The following SYT2 variants were observed in gnomAD, a reference collection of about 807,000 sequenced individuals.
SYT2 encodes the protein synaptotagmin-2.
SYT2 carries 15 observed loss-of-function variants against 39.9 expected under a neutral mutation model. The ratio of observed to expected loss-of-function variants is 0.38; its 90% CI spans 0.25 to 0.58. The LOEUF (loss-of-function observed/expected upper bound fraction) is 0.58. SYT2 is among the 20% of genes least tolerant of loss of function. SYT2 has a pLI of 0.70. For synonymous variants in SYT2, 181 were observed against 204.5 expected, an observed-to-expected ratio of 0.89 and a Z score of 0.98; for missense variants, 389 against 530.3, an observed-to-expected ratio of 0.73 and a Z score of 2.62.
At position 202,668,284 on chromosome 1, in the gene SYT2, G is replaced by A. The variant is rs541907797; in HGVS notation, c.-18+41974C>T. 9.2e-5 allele frequency among the ~76,000 whole-genome samples: 14 copies of A among 152,328 alleles called. No homozygotes were observed. In the South Asian group the frequency reaches 2.9e-3, roughly 32 times the overall value. ...CTCAGATAAACTGGTTAAGACACATGTCTGCTTCAAGTCTTTTTTTCATTA... is the reference window on the plus strand; with the variant it reads ...CTCAGATAAACTGGTTAAGACACATATCTGCTTCAAGTCTTTTTTTCATTA... On this transcript the variant is annotated intron_variant, in intron 1 of 8. Transcript: ENST00000367268.
chr1:202,666,925 T>C (rs758715641), intron 1 of SYT2, among the ~76,000 whole-genome samples: 1 of 152,168 alleles, frequency 6.6e-6, no homozygotes, highest in East Asian at 1.9e-4. Flanking sequence ...GAGGTTGCAA[T>C]GAGACAAGAT....
intron 1 of SYT2, among the ~76,000 whole-genome samples, chr1:202,677,781 C>A (rs1653414301): frequency 6.6e-6 from 1 of 152,160 alleles, no homozygotes; most frequent in South Asian, 2.1e-4. Flanking sequence ...GAAATATGAA[C>A]AGCAAAATCA....
Position 202,622,376 on chromosome 1 carries a change from C to G in SYT2, c.-17-16587G>C, listed in dbSNP as rs532337944. Among the ~76,000 whole-genome samples the G allele has an allele frequency of 2.0e-3, 297 of 152,262 alleles. 1 individual carries two copies. The highest frequency in any genetic ancestry group is 6.4e-3 in the African/African-American group (265 of 41,544). On this transcript the variant is annotated intron_variant, in intron 1 of 8. Coordinates refer to ENST00000367268, the MANE Select transcript of SYT2 (RefSeq NM_177402.5). ...GCCTTCTTGGTCAGTGCATGCACAC[C>G]TCCACTTTGGAGCGAGGTTGTCATT...
At chr1:202,630,229 T>C in intron 1 of SYT2, 1 of 230,578 alleles carries the variant, frequency 4.3e-6, no homozygotes, top group Non-Finnish European at 7.1e-6. Context: ...AAGTTATAAC[T>C]ACATCAAAAA....
rs1026751951 is a variant in SYT2, at chr1:202,602,872, G to A, written c.465+127C>T. 11 of 1,226,994 alleles carry A rather than the reference G, an allele frequency of 9.0e-6. No homozygotes were observed. The African/African-American group carries it at 1.5e-4, about 17-fold the overall frequency. The allele number at this position is 1,226,994 out of a possible 1,614,324, so 76.0% of individuals were successfully genotyped here. ...AGAGCTATAGGCCCTGCAGTTTCCA[G>A]CCTGCCTCATTCTATGGAAAGGAGT... is the stretch of plus-strand genomic sequence containing the variant. On this transcript the variant is annotated intron_variant, in intron 4 of 8. Transcript: ENST00000367268.
chr1:202,662,654 G>C (rs1233410062), intron 1 of SYT2, among the ~76,000 whole-genome samples: 1 of 152,208 alleles, frequency 6.6e-6, no homozygotes, highest in African/African-American at 2.4e-5. Flanking sequence ...ACATGTGCCA[G>C]GCTCATTAAG....
chr1:202,657,286 C>CCA (rs1228470425), intron 1 of SYT2, among the ~76,000 whole-genome samples: 1 of 152,232 alleles, frequency 6.6e-6, no homozygotes, highest in African/African-American at 2.4e-5. Context: ...TTAGAGCAAC[C>CCA]CACCAGAAGA....
intron 1 of SYT2, among the ~76,000 whole-genome samples, chr1:202,673,055 C>T (rs373549513): frequency 3.3e-5 from 5 of 152,080 alleles, no homozygotes; most frequent in African/African-American, 1.2e-4. Context: ...AGTGTGTAAA[C>T]TAAATGAAAA....
intron 1 of SYT2, among the ~76,000 whole-genome samples, chr1:202,622,993 G>A (rs376834490): frequency 8.8e-4 from 134 of 152,324 alleles, no homozygotes; most frequent in African/African-American, 3.0e-3. Flanking sequence ...CCCTGCCTGA[G>A]TTGTCAACTC....
At chr1:202,602,924 G>T in intron 4 of SYT2, 75 bp downstream of exon 4, 2 of 1,560,550 alleles carry the variant, frequency 1.3e-6, no homozygotes, top group Non-Finnish European at 1.8e-6. Flanking sequence ...TGAGGGAGCT[G>T]TTTCTATCCC....
chr1:202,630,501 T>TGG (rs923736632), intron 1 of SYT2: 10 of 647,010 alleles, frequency 1.5e-5, no homozygotes, highest in Non-Finnish European at 1.9e-5. Context: ...TAGGAGGAGA[T>TGG]GGGGTGGGCT....
intron 1 of SYT2, among the ~76,000 whole-genome samples, chr1:202,665,363 A>G (rs562436919): frequency 3.9e-5 from 6 of 152,314 alleles, no homozygotes; most frequent in East Asian, 3.9e-4. Context: ...ACATTCATCA[A>G]AAAATTATAA....
chr1:202,658,662 ATTT>A (rs140278190), intron 1 of SYT2, among the ~76,000 whole-genome samples: 3 of 137,050 alleles, frequency 2.2e-5, no homozygotes, highest in African/African-American at 7.5e-5. Flanking sequence ...CAGTGGTCGG[ATTT>A]TTTTTATTAG....
intron 7 of SYT2, among the ~76,000 whole-genome samples, 183 bp downstream of exon 7, chr1:202,600,174 G>A (rs951562271): frequency 1.3e-5 from 2 of 152,224 alleles, no homozygotes; most frequent in African/African-American, 4.8e-5. Flanking sequence ...CAGCTCTGAT[G>A]GGGACAAGGG....
In SYT2 at chr1:202,604,518, G is replaced by A; in HGVS notation, c.282C>T (p.Asn94=). ...TCATGCCTTTGCCCTTCTCCTTCTTGTTCTTCTTCTTCTTGCAGCAGCATT... is the reference window on the plus strand; with the variant it reads ...TCATGCCTTTGCCCTTCTCCTTCTTATTCTTCTTCTTCTTGCAGCAGCATT... ...CKKCCCKKKK[N]KKEKGKGMKN... The change falls in exon 3 of 9, where the codon AAC becomes AAT. Residue 94 remains asparagine (N), a synonymous_variant. Coordinates refer to ENST00000367268, the MANE Select transcript of SYT2 (RefSeq NM_177402.5). 2 of 1,613,986 alleles carry A rather than the reference G, an allele frequency of 1.2e-6. No homozygotes were observed. Among genetic ancestry groups the A allele is most frequent in the Non-Finnish European group, 1.7e-6 (2 of 1,179,978 alleles).
chr1:202,704,301 A>G (rs993543137), intron 1 of SYT2, among the ~76,000 whole-genome samples: 1 of 152,210 alleles, frequency 6.6e-6, no homozygotes, highest in African/African-American at 2.4e-5. Flanking sequence ...GAGGAGAAAC[A>G]ACATGCCCTG....
intron 1 of SYT2, among the ~76,000 whole-genome samples, chr1:202,687,628 T>C (rs914829928): frequency 1.4e-5 from 2 of 144,170 alleles, no homozygotes; most frequent in African/African-American, 5.2e-5. Flanking sequence ...GTTGCGCCAT[T>C]GTACTCCAGC....
rs370409942 is a variant in SYT2 at position 202,671,040 on chromosome 1, A to G, written c.-18+39218T>C. ...GGCCAAAGAACCAATCCTTTGTGAT[A>G]AGCAGCCCGCCACTCCCATCGGCGA... On this transcript the variant is annotated intron_variant, in intron 1 of 8. Coordinates refer to ENST00000367268, the MANE Select transcript of SYT2 (RefSeq NM_177402.5). 5.3e-5 allele frequency among the ~76,000 whole-genome samples: 8 copies of G among 152,316 alleles called. No homozygotes were observed. In the East Asian group the frequency reaches 7.7e-4, roughly 15 times the overall value.
At position 202,661,873 on chromosome 1, in the gene SYT2, C is replaced by T. The variant is rs1272821536; in HGVS notation, c.-18+48385G>A. Among the ~76,000 whole-genome samples, 4 of 152,176 alleles carry T rather than the reference C, an allele frequency of 2.6e-5. No homozygotes were observed. The East Asian group carries it at 7.7e-4, about 29-fold the overall frequency. ...ATCTAGTACATTTATTTCATTAATGCACGCATTTACCCATTCATTAGTTCA... is the reference window on the plus strand; with the variant it reads ...ATCTAGTACATTTATTTCATTAATGTACGCATTTACCCATTCATTAGTTCA... On this transcript the variant is annotated intron_variant, in intron 1 of 8. Transcript: ENST00000367268.
Sources: allele counts gnomAD v4.1 joint callset (sites outside exome capture counted in the v4.1 genomes callset), GRCh38; gene constraint gnomAD v4.1.1; transcripts MANE v1.5; gene names NCBI Gene and HGNC (gene_info 2026-07-23, HGNC 2026-07-21).